Variants in DENND1A observed in about 807,000 individuals in gnomAD.
The protein encoded by DENND1A is DENN domain-containing protein 1A.
DENND1A carries 51 observed loss-of-function variants against 113.7 expected under a neutral mutation model. The ratio of observed to expected loss-of-function variants is 0.45; its 90% CI spans 0.36 to 0.57. The LOEUF (loss-of-function observed/expected upper bound fraction) is 0.57. DENND1A is among the 20% of genes least tolerant of loss of function. The probability of loss-of-function intolerance (pLI) is 0.00; values close to 1 mark genes in which losing one functional copy is unlikely to be tolerated. For missense variants in DENND1A, 1,258 were observed against 1,395.9 expected (o/e 0.90, Z 1.57); for synonymous variants, 565 against 570.8 (o/e 0.99, Z 0.14).
At chr9:123,531,169 GTTTC>G (rs2055264973) in intron 13 of DENND1A, among the ~76,000 whole-genome samples, 1 of 152,058 alleles carries the variant, frequency 6.6e-6, no homozygotes, top group African/African-American at 2.4e-5. Flanking sequence ...GAAAGCAAAT[GTTTC>G]TTTCCCATTT....
chr9:123,530,744 C>CG (rs2055228963), intron 13 of DENND1A, among the ~76,000 whole-genome samples: 1 of 152,154 alleles, frequency 6.6e-6, no homozygotes, highest in Admixed American at 6.5e-5. Context: ...CAGTGTATAC[C>CG]TGAAACTGCA....
At chr9:123,653,287 A>C (rs1291729820) in intron 8 of DENND1A, among the ~76,000 whole-genome samples, 3 of 152,196 alleles carry the variant, frequency 2.0e-5, no homozygotes, top group Non-Finnish European at 4.4e-5. Flanking sequence ...CTATATACTA[A>C]CTACCTATCA....
chr9:123,457,236 A>T, intron 15 of DENND1A, 112 bp downstream of exon 15: 1 of 795,798 alleles, frequency 1.3e-6, no homozygotes, highest in Non-Finnish European at 2.1e-6. Context: ...GCTTGAAAGC[A>T]GTCTCTTCCT....
intron 13 of DENND1A, chr9:123,485,656 GCACACACACACACACACACA>G (rs77062893): frequency 7.1e-6 from 1 of 141,154 alleles, no homozygotes; most frequent in African/African-American, 2.9e-5. Flanking sequence ...GCGCGCGCGC[GCACACACACACACACACACA>G]CACACACACA....
chr9:123,572,621 A>G (rs1017390301), intron 12 of DENND1A, among the ~76,000 whole-genome samples: 17 of 152,188 alleles, frequency 1.1e-4, no homozygotes, highest in African/African-American at 4.1e-4. Context: ...TTCTTCAAAT[A>G]TTTTACCCAT....
At chr9:123,698,775 G>T (rs1589714815) in intron 5 of DENND1A, among the ~76,000 whole-genome samples, 1 of 152,222 alleles carries the variant, frequency 6.6e-6, no homozygotes, top group South Asian at 2.1e-4. Flanking sequence ...GGCAGTTTGT[G>T]CACTGCTTTG....
intron 5 of DENND1A, among the ~76,000 whole-genome samples, chr9:123,719,501 C>A (rs994457332): frequency 6.6e-6 from 1 of 152,174 alleles, no homozygotes; most frequent in Non-Finnish European, 1.5e-5. Context: ...TAATCATCAT[C>A]CTTGCAACGA....
At chr9:123,723,844 C>A (rs1469287197) in intron 5 of DENND1A, among the ~76,000 whole-genome samples, 1 of 152,126 alleles carries the variant, frequency 6.6e-6, no homozygotes, top group Non-Finnish European at 1.5e-5. Flanking sequence ...GCTTTTATAC[C>A]CTTATCACAT....
chr9:123,757,908 A>G (rs1188676627), intron 4 of DENND1A, 86 bp from the exon 5 acceptor site: 1 of 1,506,268 alleles, frequency 6.6e-7, no homozygotes. Flanking sequence ...CGTTGAACTT[A>G]TAACATTTCC....
chr9:123,498,561 A>G (rs1421153233), intron 13 of DENND1A, among the ~76,000 whole-genome samples: 1 of 152,198 alleles, frequency 6.6e-6, no homozygotes, highest in Non-Finnish European at 1.5e-5. Context: ...TTCTTATGAA[A>G]AGAGTTTCAA....
intron 12 of DENND1A, among the ~76,000 whole-genome samples, chr9:123,581,648 C>G (rs2058902550): frequency 6.6e-6 from 1 of 151,856 alleles, no homozygotes; most frequent in South Asian, 2.1e-4. Flanking sequence ...GAAAGAAATT[C>G]TCCTGCAAGA....
intron 18 of DENND1A, among the ~76,000 whole-genome samples, chr9:123,447,205 A>T (rs2047370812): frequency 6.6e-6 from 1 of 152,188 alleles, no homozygotes; most frequent in Non-Finnish European, 1.5e-5. Context: ...CTTTTTCCCA[A>T]TTTTGAGCAA....
intron 12 of DENND1A, among the ~76,000 whole-genome samples, chr9:123,578,429 G>C (rs1217277427): frequency 6.6e-6 from 1 of 152,176 alleles, no homozygotes; most frequent in Non-Finnish European, 1.5e-5. Flanking sequence ...ATCATGGCTG[G>C]AGAGCAGTGG....
intron 12 of DENND1A, among the ~76,000 whole-genome samples, chr9:123,558,854 A>AT (rs533100396): frequency 1.2e-3 from 182 of 152,276 alleles, no homozygotes; most frequent in Middle Eastern, 6.8e-3. Context: ...CTCAGCAAAT[A>AT]TTTATTATTT....
chr9:123,387,206 C>T (rs1056959554), intron 22 of DENND1A, among the ~76,000 whole-genome samples: 3 of 152,156 alleles, frequency 2.0e-5, no homozygotes, highest in Non-Finnish European at 2.9e-5. Flanking sequence ...TTTTAAAAAT[C>T]GCTACTTGTA....
At chr9:123,541,669 G>C (rs1046661442) in intron 13 of DENND1A, among the ~76,000 whole-genome samples, 53 of 152,232 alleles carry the variant, frequency 3.5e-4, no homozygotes, top group African/African-American at 9.4e-4. Flanking sequence ...CCAGTTAAAG[G>C]GTTTCCAAAA....
intron 1 of DENND1A, among the ~76,000 whole-genome samples, chr9:123,880,940 A>T (rs1848231956): frequency 6.6e-6 from 1 of 152,208 alleles, no homozygotes; most frequent in East Asian, 1.9e-4. Flanking sequence ...TCACTAAAAA[A>T]TGGTAATACT....
At chr9:123,536,740 T>C (rs1431754905) in intron 13 of DENND1A, among the ~76,000 whole-genome samples, 6 of 151,650 alleles carry the variant, frequency 4.0e-5, no homozygotes, top group Admixed American at 2.6e-4. Context: ...GGAACCAAGA[T>C]TGAGCAGGAC....
chr9:123,432,757 T>C (rs1431039972), intron 19 of DENND1A, among the ~76,000 whole-genome samples: 2 of 152,190 alleles, frequency 1.3e-5, no homozygotes, highest in Non-Finnish European at 1.5e-5. Context: ...CACCACTAGG[T>C]ACCTTCTGCC....
Sources: allele counts gnomAD v4.1 joint callset (sites outside exome capture counted in the v4.1 genomes callset), GRCh38; gene constraint gnomAD v4.1.1; transcripts MANE v1.5; gene names NCBI Gene and HGNC (gene_info 2026-07-23, HGNC 2026-07-21).